CYP3A5: variants seen among roughly 807,000 people sequenced by gnomAD.
CYP3A5 encodes the protein cytochrome P450 3A5.
A neutral mutation model predicts 55.9 loss-of-function variants in CYP3A5; 51 were observed. The observed-to-expected ratio is 0.91, with a 90% CI of 0.73 to 1.15. CYP3A5 has a LOEUF of 1.15. Among genes scored for constraint, CYP3A5 ranks in the 50% most tolerant of loss-of-function variants. The pLI is 0.00. For missense variants in CYP3A5, 533 were observed against 596.6 expected (o/e 0.89, Z 1.11); for synonymous variants, 196 against 213.9 (o/e 0.92, Z 0.73).
At position 99,676,521 on chromosome 7, in the gene CYP3A5, C is replaced by T. The variant is rs1031903517; in HGVS notation, c.72-313G>A. ...AGGCAGGAATTCTTCCAGGACACTT[C>T]ATTTCCTTATGTCTGTTTAGTAAGT... On this transcript the variant is annotated intron_variant, in intron 1 of 12. Coordinates refer to ENST00000222982, the MANE Select transcript of CYP3A5 (RefSeq NM_000777.5). The T allele has an allele frequency of 8.0e-6, 11 of 1,373,520 alleles. No homozygotes were observed. The Middle Eastern group carries it at 6.1e-4, about 77-fold the overall frequency. The allele number at this position is 1,373,520 out of a possible 1,614,324, so 85.1% of individuals were successfully genotyped here.
intron 10 of CYP3A5, among the ~76,000 whole-genome samples, chr7:99,658,074 C>A (rs897000133): frequency 1.3e-5 from 2 of 152,032 alleles, no homozygotes; most frequent in African/African-American, 2.4e-5. Flanking sequence ...GCATTTAGCC[C>A]GTTTACATTT....
Position 99,666,467 on chromosome 7 carries a change from C to T in CYP3A5, c.521+134G>A, listed in dbSNP as rs1042156282. 5 of 947,242 alleles carry T rather than the reference C, an allele frequency of 5.3e-6. No individual in the cohort carries two copies. The African/African-American group carries it at 8.1e-5, about 15-fold the overall frequency. 58.7% of individuals were successfully genotyped at this position (947,242 alleles called of 1,614,324 possible). Reference sequence around the variant, plus strand: ...ATGGGAGCCACTCCCTCTTAGGTGGCTCTTTGGAGTTGCAGCGCTGCCCTG... The same window carrying T: ...ATGGGAGCCACTCCCTCTTAGGTGGTTCTTTGGAGTTGCAGCGCTGCCCTG... On this transcript the variant is annotated intron_variant, in intron 6 of 12. Transcript: ENST00000222982.
intron 1 of CYP3A5, 123 bp downstream of exon 1, chr7:99,679,703 C>T (rs1200318147): frequency 2.3e-6 from 2 of 876,098 alleles, no homozygotes; most frequent in South Asian, 1.4e-5. Context: ...TTTGTAGCGT[C>T]CAACACTTCA....
rs1811078109 is a variant in CYP3A5, at chr7:99,666,891, T to G, written c.432+61A>C. On this transcript the variant is annotated intron_variant, in intron 5 of 12. Transcript: ENST00000222982. ...CTTGGAAACGGACTGTGATCTTACT[T>G]TCTACCTGTCCCCAGATTCATTCTT... 2.5e-6 allele frequency: 4 copies of G among 1,603,624 alleles called. No individual in the cohort carries two copies. The East Asian group carries it at 8.9e-5, about 36-fold the overall frequency.
intron 10 of CYP3A5, among the ~76,000 whole-genome samples, chr7:99,657,541 G>A (rs1460942902): frequency 6.6e-6 from 1 of 152,210 alleles, no homozygotes; most frequent in South Asian, 2.1e-4. Context: ...GTGTGGTGCT[G>A]AAAAGAATGT....
chr7:99,670,745 C>T (rs908772960), intron 4 of CYP3A5, among the ~76,000 whole-genome samples: 1 of 152,152 alleles, frequency 6.6e-6, no homozygotes, highest in Admixed American at 6.5e-5. Context: ...TTGTGAGCTA[C>T]TATTTTCAAG....
At chr7:99,663,865 TC>T in intron 8 of CYP3A5, 102 bp downstream of exon 8, 1 of 1,448,460 alleles carries the variant, frequency 6.9e-7, no homozygotes, top group Non-Finnish European at 9.0e-7. Flanking sequence ...ACATAAGTTC[TC>T]TGTCTTTATT....
intron 1 of CYP3A5, among the ~76,000 whole-genome samples, chr7:99,678,523 G>T (rs1028305805): frequency 1.3e-5 from 2 of 152,122 alleles, no homozygotes; most frequent in African/African-American, 4.8e-5. Context: ...TGTCTTAGAG[G>T]TATACATTTG....
At chr7:99,651,050 T>C (rs1809132497) in intron 11 of CYP3A5, among the ~76,000 whole-genome samples, 1 of 152,208 alleles carries the variant, frequency 6.6e-6, no homozygotes, top group Non-Finnish European at 1.5e-5. Flanking sequence ...TCTTTATATT[T>C]TGGAGAGCAT....
chr7:99,653,450 C>CAAATAAATAAATAAATAAATAAAT lies in CYP3A5; in HGVS notation c.1027-695_1027-672dup, dbSNP rs3063934. On this transcript the variant is annotated intron_variant, in intron 10 of 12. Transcript: ENST00000222982. The surrounding 1 kb of genome is among the most constrained non-coding windows in gnomAD (Gnocchi z 4.2). Reference sequence around the variant, plus strand: ...TGGGTCGTAGAGTCAGACCCTGTCTCAAATAAATAAATAAATAAATAAATA... The same window carrying CAAATAAATAAATAAATAAATAAAT: ...TGGGTCGTAGAGTCAGACCCTGTCTCAAATAAATAAATAAATAAATAAATAAATAAATAAATAAATAAATAAATA... Among the ~76,000 whole-genome samples, 2 of 145,400 alleles carry CAAATAAATAAATAAATAAATAAAT rather than the reference C, an allele frequency of 1.4e-5. No homozygotes were observed. The highest frequency in any genetic ancestry group is 2.0e-4 in the East Asian group (1 of 4,990).
chr7:99,666,956 T>C lies in CYP3A5; in HGVS notation c.428A>G (p.Lys143Arg), dbSNP rs367673189. ...LSPTFTSGKL[K>R]EMFPIIAQYG... is the part of the protein sequence containing the mutation. ...AGACTCATCTTATTTTCATACCTCCTTGAGTTTTCCGCTGGTGAAGGTTGG... is the reference window on the plus strand; with the variant it reads ...AGACTCATCTTATTTTCATACCTCCCTGAGTTTTCCGCTGGTGAAGGTTGG... Residue 143 changes from lysine (K) to arginine (R), a missense_variant, in exon 5 of 13, where the codon AAG (lysine) becomes AGG (arginine). Coordinates refer to ENST00000222982, the MANE Select transcript of CYP3A5 (RefSeq NM_000777.5). 5.9e-5 allele frequency: 95 copies of C among 1,613,598 alleles called. No individual in the cohort carries two copies. The highest frequency in any genetic ancestry group is 7.7e-5 in the Non-Finnish European group (91 of 1,179,734).
chr7:99,679,914 A>G lies in CYP3A5; in HGVS notation c.-18T>C, dbSNP rs1298512506. 2 of 1,612,136 alleles carry G rather than the reference A, an allele frequency of 1.2e-6. No homozygotes were observed. Among genetic ancestry groups the G allele is most frequent in the Non-Finnish European group, 1.7e-6 (2 of 1,178,292 alleles). On this transcript the variant is annotated 5_prime_UTR_variant, in exon 1 of 13. Transcript: ENST00000222982. ...AGGTCCATCGCCACTTTCCTTCTTC[A>G]ACTGTGTTCTGTGAGTCTTCCTTTT...
chr7:99,667,538 T>A (rs139447658), intron 4 of CYP3A5, among the ~76,000 whole-genome samples: 2 of 152,154 alleles, frequency 1.3e-5, no homozygotes, highest in Non-Finnish European at 2.9e-5. Context: ...GAAAAGTAGG[T>A]AATACTTAAA....
chr7:99,668,934 A>G (rs777521239), intron 4 of CYP3A5, among the ~76,000 whole-genome samples: 51 of 152,262 alleles, frequency 3.3e-4, no homozygotes, highest in Non-Finnish European at 6.5e-4. Flanking sequence ...TAATATTTCA[A>G]CCTACCTTTG....
In CYP3A5 at chr7:99,663,954, C is replaced by A. The variant is rs1810705277; in HGVS notation, c.798+14G>T. ...AAACCTAAACATCGTCATTTAACCA[C>A]CATCAGATTTTACCTTTTGTTTGTC... On this transcript the variant is annotated intron_variant, in intron 8 of 12. Coordinates refer to ENST00000222982, the MANE Select transcript of CYP3A5 (RefSeq NM_000777.5). 6.3e-7 allele frequency: 1 copy of A among 1,575,788 alleles called. No homozygotes were observed. Among genetic ancestry groups the A allele is most frequent in the Non-Finnish European group, 8.6e-7 (1 of 1,169,246 alleles).
At chr7:99,652,386 T>G (rs965701321) in intron 11 of CYP3A5, 167 bp downstream of exon 11, 1 of 528,780 alleles carries the variant, frequency 1.9e-6, no homozygotes, top group Non-Finnish European at 3.3e-6. Context: ...GTTTCGTTTT[T>G]TCTAGTCTGT....
At chr7:99,671,938 C>T (rs897307107) in intron 4 of CYP3A5, 8 of 684,068 alleles carry the variant, frequency 1.2e-5, no homozygotes, top group Non-Finnish European at 2.1e-5. Flanking sequence ...CAAACAAGGG[C>T]ATGTAAAACT....
At chr7:99,667,254 G>C (rs2151427088) in intron 4 of CYP3A5, among the ~76,000 whole-genome samples, 189 bp from the exon 5 acceptor site, 1 of 151,976 alleles carries the variant, frequency 6.6e-6, no homozygotes, top group African/African-American at 2.4e-5. Context: ...ATGTGGGGCG[G>C]GGGTGGGAGT....
Position 99,662,936 on chromosome 7 carries a change from G to C in CYP3A5, c.799-54C>G. On this transcript the variant is annotated intron_variant, in intron 8 of 12. Transcript: ENST00000222982. This position sits in a 1 kb window ranked among gnomAD's most constrained non-coding sequence, Gnocchi z 4.3. ...CAGAAAGTGACTCGTGAAGTCAGAA[G>C]TAAATCAAAAGTGCAGTCCTCAACC... The C allele has an allele frequency of 6.2e-7, 1 of 1,608,520 alleles. No homozygotes were observed. Among genetic ancestry groups the C allele is most frequent in the African/African-American group, 1.3e-5 (1 of 74,922 alleles).
Sources: gnomAD v4.1 joint callset for allele counts (sites outside exome capture counted in the v4.1 genomes callset) on GRCh38, gnomAD v4.1.1 for gene constraint, Gnocchi (gnomAD v3.1) non-coding constraint, MANE v1.5 for transcripts, NCBI Gene and HGNC (gene_info 2026-07-23, HGNC 2026-07-21) for gene names.